Variants in GUCY1A2 observed in about 807,000 individuals in gnomAD.
GUCY1A2 encodes guanylate cyclase soluble subunit alpha-2.
Under a neutral mutation model 63.5 loss-of-function variants are expected in GUCY1A2, and 27 were observed. That is an observed-to-expected ratio of 0.43 (90% CI 0.31 to 0.59). The LOEUF (loss-of-function observed/expected upper bound fraction) is 0.59, where lower values mean the gene tolerates loss of function less well. Among genes scored for constraint, GUCY1A2 ranks in the 20% least tolerant of loss-of-function variants. The pLI, the probability that GUCY1A2 is intolerant of heterozygous loss-of-function variation, is 0.11. For synonymous variants in GUCY1A2, 364 were observed against 343.5 expected, an observed-to-expected ratio of 1.06 and a Z score of -0.66; for missense variants, 768 against 913.3, an observed-to-expected ratio of 0.84 and a Z score of 2.05.
chr11:106,910,960 T>C (rs1204506832), intron 4 of GUCY1A2, among the ~76,000 whole-genome samples: 1 of 152,050 alleles, frequency 6.6e-6, no homozygotes, highest in Non-Finnish European at 1.5e-5. Flanking sequence ...ATTGTGCCCT[T>C]AGTTGTCCAT....
intron 4 of GUCY1A2, among the ~76,000 whole-genome samples, chr11:106,909,185 G>C (rs1944206): frequency 0.25 from 37,596 of 151,410 alleles, 4,801 homozygotes; most frequent in African/African-American, 0.32. Flanking sequence ...TTTTTATTTT[G>C]AGATAATTAT....
intron 4 of GUCY1A2, among the ~76,000 whole-genome samples, chr11:106,906,723 T>C (rs534937147): frequency 6.6e-6 from 1 of 152,310 alleles, no homozygotes; most frequent in East Asian, 1.9e-4. Flanking sequence ...TAAGAAAATG[T>C]GGCACAGATA....
rs1050012879 is a variant in GUCY1A2, at chr11:106,678,205, C to T, written c.*9344G>A. On this transcript the variant is annotated 3_prime_UTR_variant, in exon 8 of 8. Transcript: ENST00000526355. Reference sequence around the variant, plus strand: ...ACCTTCTTGGCTAGAGTTTGATCTACCATCAGAAATAATTTCTTCTTTTTG... The same window carrying T: ...ACCTTCTTGGCTAGAGTTTGATCTATCATCAGAAATAATTTCTTCTTTTTG... 1.0e-5 allele frequency: 2 copies of T among 198,016 alleles called. No individual in the cohort carries two copies. The highest frequency in any genetic ancestry group is 4.6e-5 in the African/African-American group (2 of 43,390). 12.3% of individuals were successfully genotyped at this position (198,016 alleles called of 1,614,324 possible).
chr11:107,018,082 G>A lies in GUCY1A2; in HGVS notation c.-27C>T, dbSNP rs1241837313. On this transcript the variant is annotated 5_prime_UTR_variant, in exon 1 of 8. Coordinates refer to ENST00000526355, the MANE Select transcript of GUCY1A2 (RefSeq NM_000855.3). Reference sequence around the variant, plus strand: ...CTGCCGGCGGAGCTGCAGCGGCCGAGGCGGTGGCGGCGAGGACGCGAGCGG... The same window carrying A: ...CTGCCGGCGGAGCTGCAGCGGCCGAAGCGGTGGCGGCGAGGACGCGAGCGG... 1 of 1,402,346 alleles carries A rather than the reference G, an allele frequency of 7.1e-7. No homozygotes were observed. 86.9% of individuals were successfully genotyped at this position (1,402,346 alleles called of 1,614,324 possible). A position where few individuals can be genotyped will look rare whatever the true frequency, so the allele number is the denominator to read the frequency against.
chr11:106,840,398 A>G (rs1859180234), intron 4 of GUCY1A2, among the ~76,000 whole-genome samples: 1 of 151,942 alleles, frequency 6.6e-6, no homozygotes, highest in South Asian at 2.1e-4. Flanking sequence ...ATCTGCATAA[A>G]CGCTTCTAGC....
chr11:106,855,459 C>A (rs1320296839), intron 4 of GUCY1A2, among the ~76,000 whole-genome samples: 1 of 148,820 alleles, frequency 6.7e-6, no homozygotes, highest in Non-Finnish European at 1.5e-5. Context: ...GTGTGGTTAT[C>A]CTCTTGCTGT....
chr11:106,870,428 G>A (rs1328680814), intron 4 of GUCY1A2, among the ~76,000 whole-genome samples: 2 of 151,944 alleles, frequency 1.3e-5, no homozygotes, highest in Non-Finnish European at 2.9e-5. Context: ...TGAATTATAT[G>A]TACAAGAATT....
intron 7 of GUCY1A2, among the ~76,000 whole-genome samples, chr11:106,702,702 G>T (rs1017927824): frequency 1.4e-4 from 21 of 147,410 alleles, no homozygotes; most frequent in Non-Finnish European, 2.8e-4. Context: ...AATTTATATG[G>T]TTTTTTTTTT....
At chr11:106,758,577 C>T (rs886697807) in intron 6 of GUCY1A2, among the ~76,000 whole-genome samples, 3 of 152,222 alleles carry the variant, frequency 2.0e-5, no homozygotes, top group Admixed American at 6.5e-5. Context: ...CATCCATCTT[C>T]TGCATTGATC....
rs963369124 is a variant in GUCY1A2, at chr11:106,701,248, G to T, written c.1991+7264C>A. Among the ~76,000 whole-genome samples, 30 of 151,562 alleles carry T rather than the reference G, an allele frequency of 2.0e-4. 1 individual carries two copies. Among genetic ancestry groups the T allele is most frequent in the African/African-American group, 5.3e-4 (22 of 41,272 alleles). On this transcript the variant is annotated intron_variant, in intron 7 of 7. Transcript: ENST00000526355. The stretch of plus-strand genomic sequence containing the variant: ...AACAGACAATTTTTTTTTTCACTTG[G>T]AAGCTTCCACTTGCCACAAGTTTGT...
chr11:106,895,990 C>T (rs1450575479), intron 4 of GUCY1A2, among the ~76,000 whole-genome samples: 1 of 145,276 alleles, frequency 6.9e-6, no homozygotes, highest in Non-Finnish European at 1.5e-5. Context: ...GCCTGGGCGA[C>T]AGAGCAAGAC....
At chr11:106,827,261 T>A in intron 4 of GUCY1A2, 2 of 1,552,114 alleles carry the variant, frequency 1.3e-6, no homozygotes, top group Non-Finnish European at 1.8e-6. Context: ...GTTGTATATC[T>A]GGTTCTTTTA....
chr11:106,916,160 AT>A (rs1474792321), intron 4 of GUCY1A2, among the ~76,000 whole-genome samples: 1 of 145,828 alleles, frequency 6.9e-6, no homozygotes, highest in Non-Finnish European at 1.5e-5. Flanking sequence ...TTAGTTGACA[AT>A]TTAGTCATAA....
intron 1 of GUCY1A2, among the ~76,000 whole-genome samples, chr11:107,008,557 AT>A (rs1170288050): frequency 3.3e-4 from 51 of 152,352 alleles, no homozygotes; most frequent in Admixed American, 2.8e-3. Flanking sequence ...ACAAGGACTT[AT>A]TCAATCATTT....
At chr11:107,013,992 G>C (rs143813018) in intron 1 of GUCY1A2, among the ~76,000 whole-genome samples, 23 of 150,568 alleles carry the variant, frequency 1.5e-4, no homozygotes, top group African/African-American at 5.6e-4. Context: ...TAATTGGGTG[G>C]ATTAAATAGC....
Position 107,018,399 on chromosome 11 carries a change from C to G in GUCY1A2, c.-344G>C, listed in dbSNP as rs974204899. The G allele has an allele frequency of 1.1e-3, 172 of 150,678 alleles. 1 individual carries two copies. Among genetic ancestry groups the G allele is most frequent in the African/African-American group, 3.8e-3 (158 of 41,292 alleles). 9.3% of individuals were successfully genotyped at this position (150,678 alleles called of 1,614,324 possible). A position where few individuals can be genotyped will look rare whatever the true frequency, so the allele number is the denominator to read the frequency against. On this transcript the variant is annotated 5_prime_UTR_variant, in exon 1 of 8. Coordinates refer to ENST00000526355, the MANE Select transcript of GUCY1A2 (RefSeq NM_000855.3). ...CGCGCTCCCGCTCACGGGGAGGCTC[C>G]GAGAGTGTGTGACCGCGGTCGGCGG...
intron 7 of GUCY1A2, among the ~76,000 whole-genome samples, chr11:106,695,168 T>G (rs1469775341): frequency 2.0e-5 from 3 of 152,188 alleles, no homozygotes; most frequent in Admixed American, 1.3e-4. Flanking sequence ...TCTTCCATTT[T>G]TAAATCCTCT....
chr11:107,001,056 T>C (rs1473044901), intron 1 of GUCY1A2, among the ~76,000 whole-genome samples: 3 of 152,340 alleles, frequency 2.0e-5, no homozygotes, highest in Non-Finnish European at 4.4e-5. Flanking sequence ...TTAAATTTGC[T>C]GAAGGGGTAA....
At chr11:107,016,105 C>G (rs1452376148) in intron 1 of GUCY1A2, among the ~76,000 whole-genome samples, 1 of 152,164 alleles carries the variant, frequency 6.6e-6, no homozygotes, top group Non-Finnish European at 1.5e-5. Flanking sequence ...CTGTCTGGTA[C>G]CCGTACTCAG....
Sources: gnomAD v4.1 joint callset for allele counts (sites outside exome capture counted in the v4.1 genomes callset) on GRCh38, gnomAD v4.1.1 for gene constraint, MANE v1.5 for transcripts, NCBI Gene and HGNC (gene_info 2026-07-23, HGNC 2026-07-21) for gene names.